Variants in SPIDR observed in about 807,000 individuals in gnomAD.
SPIDR encodes scaffold protein involved in DNA repair.
SPIDR carries 93 observed loss-of-function variants against 104.6 expected under a neutral mutation model. The observed-to-expected ratio is 0.89, with a 90% CI of 0.75 to 1.06. The LOEUF (loss-of-function observed/expected upper bound fraction) is 1.06, where lower values mean the gene tolerates loss of function less well. SPIDR is among the 50% of genes least tolerant of loss of function. The pLI, the probability that SPIDR is intolerant of heterozygous loss-of-function variation, is 0.00. For synonymous variants in SPIDR, 431 were observed against 416.9 expected (o/e 1.03, Z -0.41); for missense variants, 1,154 against 1,111.2 (o/e 1.04, Z -0.55).
At chr8:47,277,365 GTTA>G (rs2036715689) in intron 1 of SPIDR, among the ~76,000 whole-genome samples, 1 of 115,064 alleles carries the variant, frequency 8.7e-6, no homozygotes, top group African/African-American at 3.1e-5. Context: ...GTTATGTTAT[GTTA>G]TGTTATGTTA....
chr8:47,303,413 C>T (rs910688589), intron 5 of SPIDR, among the ~76,000 whole-genome samples: 2 of 152,166 alleles, frequency 1.3e-5, no homozygotes, highest in African/African-American at 4.8e-5. Flanking sequence ...GATGCCTCGC[C>T]CTGCTTCGGC....
At chr8:47,487,688 A>G (rs2077912408) in intron 8 of SPIDR, among the ~76,000 whole-genome samples, 1 of 152,236 alleles carries the variant, frequency 6.6e-6, no homozygotes, top group South Asian at 2.1e-4. Context: ...ACTAGAACTC[A>G]GGATTAAGAA....
intron 8 of SPIDR, among the ~76,000 whole-genome samples, chr8:47,475,557 C>T (rs2076184120): frequency 6.6e-6 from 1 of 152,142 alleles, no homozygotes; most frequent in African/African-American, 2.4e-5. Flanking sequence ...TAAAATATCA[C>T]TTTGATAATC....
At chr8:47,384,645 C>T (rs2154302584) in intron 5 of SPIDR, among the ~76,000 whole-genome samples, 1 of 152,226 alleles carries the variant, frequency 6.6e-6, no homozygotes, top group East Asian at 1.9e-4. Flanking sequence ...TTGCGGGAGG[C>T]GGTTCGCTCT....
At chr8:47,672,992 C>T (rs185843081) in intron 10 of SPIDR, among the ~76,000 whole-genome samples, 7 of 152,344 alleles carry the variant, frequency 4.6e-5, no homozygotes, top group Admixed American at 3.9e-4. Flanking sequence ...TGTTCTCCTC[C>T]AACATGTGCT....
chr8:47,734,404 A>G (rs971627033), intron 19 of SPIDR, among the ~76,000 whole-genome samples: 5 of 152,176 alleles, frequency 3.3e-5, no homozygotes, highest in Non-Finnish European at 7.3e-5. Flanking sequence ...AAGGAGCCAC[A>G]TTCTACCTGC....
intron 2 of SPIDR, 96 bp from the exon 3 acceptor site, chr8:47,283,932 T>C: frequency 3.7e-6 from 3 of 820,800 alleles, no homozygotes; most frequent in Admixed American, 4.6e-5. Context: ...GAGAAGAATA[T>C]GTTAAGGAGA....
At chr8:47,587,609 C>CAAAAA (rs36084278) in intron 8 of SPIDR, among the ~76,000 whole-genome samples, 2 of 58,828 alleles carry the variant, frequency 3.4e-5, no homozygotes, top group Admixed American at 3.6e-4. Context: ...GACCCTGCCT[C>CAAAAA]AAAAAAAAAA....
chr8:47,517,120 G>A (rs1454465257), intron 8 of SPIDR, among the ~76,000 whole-genome samples: 1 of 151,964 alleles, frequency 6.6e-6, no homozygotes, highest in Non-Finnish European at 1.5e-5. Flanking sequence ...AAGTAGCTGG[G>A]ATTACAGGAA....
intron 7 of SPIDR, among the ~76,000 whole-genome samples, chr8:47,421,089 T>A (rs2065365088): frequency 6.6e-6 from 1 of 152,206 alleles, no homozygotes; most frequent in Non-Finnish European, 1.5e-5. Context: ...TTATGTGTCT[T>A]GGAGTTGCTC....
chr8:47,360,017 C>T (rs377048419), intron 5 of SPIDR, among the ~76,000 whole-genome samples: 1 of 151,784 alleles, frequency 6.6e-6, no homozygotes, highest in Non-Finnish European at 1.5e-5. Flanking sequence ...CCGAGGCGGG[C>T]GGATCACAAG....
intron 14 of SPIDR, among the ~76,000 whole-genome samples, chr8:47,702,802 C>T (rs1232721826): frequency 6.6e-6 from 1 of 152,164 alleles, no homozygotes; most frequent in East Asian, 1.9e-4. Flanking sequence ...CACATTGCCT[C>T]CTTGAGGGTG....
chr8:47,327,167 AG>A (rs2154265811), intron 5 of SPIDR, among the ~76,000 whole-genome samples: 1 of 152,240 alleles, frequency 6.6e-6, no homozygotes, highest in Non-Finnish European at 1.5e-5. Context: ...TACCTTATTA[AG>A]GTTTTGGTTT....
chr8:47,506,807 C>T (rs970032883), intron 8 of SPIDR, among the ~76,000 whole-genome samples: 2 of 152,126 alleles, frequency 1.3e-5, no homozygotes, highest in Non-Finnish European at 2.9e-5. Context: ...GGTATCCTGT[C>T]ATGATAGAAG....
intron 10 of SPIDR, among the ~76,000 whole-genome samples, chr8:47,628,285 A>G (rs1272966338): frequency 6.6e-6 from 1 of 152,210 alleles, no homozygotes; most frequent in African/African-American, 2.4e-5. Context: ...AGTAACAGCA[A>G]GGAATCATCA....
In SPIDR at chr8:47,396,681, C is replaced by T. The variant is rs933936479; in HGVS notation, c.776+55C>T. On this transcript the variant is annotated intron_variant, in intron 6 of 19. Coordinates refer to ENST00000297423, the MANE Select transcript of SPIDR (RefSeq NM_001080394.4). ...TTAAATTTTTCTCTTTCTTTAAAAA[C>T]CCAAATATCTAAAATGTTAATTTTA... The T allele has an allele frequency of 2.7e-6, 4 of 1,479,570 alleles. No homozygotes were observed. The African/African-American group carries it at 4.2e-5, about 16-fold the overall frequency. 91.7% of individuals were successfully genotyped at this position (1,479,570 alleles called of 1,614,324 possible).
chr8:47,423,427 G>A (rs752944470), intron 7 of SPIDR, among the ~76,000 whole-genome samples: 133 of 151,870 alleles, frequency 8.8e-4, no homozygotes, highest in Non-Finnish European at 1.1e-3. Context: ...CCAATATGGC[G>A]AAAAAGTACT....
chr8:47,499,277 A>G (rs1564148367), intron 8 of SPIDR, among the ~76,000 whole-genome samples: 1 of 152,202 alleles, frequency 6.6e-6, no homozygotes. Flanking sequence ...TGCAAAGTCT[A>G]TGACTGTCAG....
intron 8 of SPIDR, among the ~76,000 whole-genome samples, chr8:47,492,319 C>G (rs1246177250): frequency 6.6e-6 from 1 of 152,170 alleles, no homozygotes; most frequent in Non-Finnish European, 1.5e-5. Context: ...AGACCAGTAT[C>G]TGGCAAGCAG....
Sources: gnomAD v4.1 joint callset for allele counts (sites outside exome capture counted in the v4.1 genomes callset) on GRCh38, gnomAD v4.1.1 for gene constraint, MANE v1.5 for transcripts, NCBI Gene and HGNC (gene_info 2026-07-23, HGNC 2026-07-21) for gene names.